Variants in SNTG1 observed in about 807,000 individuals in gnomAD.
The protein encoded by SNTG1 is syntrophin gamma 1.
A neutral mutation model predicts 74.7 loss-of-function variants in SNTG1; 39 were observed. That is an observed-to-expected ratio of 0.52 (90% CI 0.40 to 0.68). SNTG1 has a LOEUF of 0.68. Ranked by LOEUF, SNTG1 falls within the 30% of genes least tolerant of loss-of-function variation. SNTG1 has a pLI of 0.00. For synonymous variants in SNTG1, 254 were observed against 217.1 expected, an observed-to-expected ratio of 1.17 and a Z score of -1.49; for missense variants, 685 against 609.5, an observed-to-expected ratio of 1.12 and a Z score of -1.30.
chr8:50,023,689 A>G (rs1232883611), intron 1 of SNTG1, among the ~76,000 whole-genome samples: 3 of 152,164 alleles, frequency 2.0e-5, no homozygotes, highest in Non-Finnish European at 1.5e-5. Flanking sequence ...AACAACCACC[A>G]CATCTTTCAA....
At chr8:50,703,978 G>A (rs10099033) in intron 15 of SNTG1, among the ~76,000 whole-genome samples, 50,970 of 151,884 alleles carry the variant, frequency 0.34, 11,102 homozygotes, top group African/African-American at 0.62. Context: ...TCATGTTAAT[G>A]TCTCTTAAAT....
intron 2 of SNTG1, among the ~76,000 whole-genome samples, chr8:50,372,270 T>G (rs1179898330): frequency 6.6e-6 from 1 of 151,932 alleles, no homozygotes; most frequent in Admixed American, 6.6e-5. Context: ...TTTTATTTTA[T>G]GCATCTTCTA....
intron 8 of SNTG1, among the ~76,000 whole-genome samples, chr8:50,486,117 G>A: frequency 1.3e-5 from 2 of 152,210 alleles, no homozygotes; most frequent in Non-Finnish European, 2.9e-5. Flanking sequence ...GCTTAGGATT[G>A]ACTTGGCGAT....
At chr8:50,552,760 T>C (rs976623638) in intron 11 of SNTG1, among the ~76,000 whole-genome samples, 1 of 152,212 alleles carries the variant, frequency 6.6e-6, no homozygotes, top group Non-Finnish European at 1.5e-5. Context: ...GCATCTAAAA[T>C]TTCTTAGATT....
chr8:49,945,850 C>A (rs1809135367), intron 1 of SNTG1, among the ~76,000 whole-genome samples: 1 of 152,156 alleles, frequency 6.6e-6, no homozygotes. Flanking sequence ...ACAGTGGGAC[C>A]AAGAACAAGG....
intron 1 of SNTG1, among the ~76,000 whole-genome samples, chr8:49,975,000 C>T (rs1290472748): frequency 6.6e-6 from 1 of 151,924 alleles, no homozygotes; most frequent in African/African-American, 2.4e-5. Flanking sequence ...AGGCAGGGTC[C>T]ATGGACACGT....
At chr8:50,518,517 G>A (rs935943616) in intron 9 of SNTG1, among the ~76,000 whole-genome samples, 3 of 151,878 alleles carry the variant, frequency 2.0e-5, no homozygotes, top group African/African-American at 7.3e-5. Context: ...TGAATCCAGG[G>A]GCTGTTTCTT....
chr8:50,427,170 T>A (rs1424277036), intron 4 of SNTG1, among the ~76,000 whole-genome samples: 2 of 152,124 alleles, frequency 1.3e-5, no homozygotes, highest in African/African-American at 4.8e-5. Flanking sequence ...AAAGCAAAAA[T>A]CAATGTTATT....
chr8:50,450,451 C>T, intron 6 of SNTG1, 105 bp from the exon 7 acceptor site: 1 of 1,214,036 alleles, frequency 8.2e-7, no homozygotes, highest in Non-Finnish European at 1.2e-6. Context: ...ATATAAGACA[C>T]TTAATTTTTA....
intron 2 of SNTG1, among the ~76,000 whole-genome samples, chr8:50,281,206 A>G (rs2088431622): frequency 6.6e-6 from 1 of 152,020 alleles, no homozygotes; most frequent in South Asian, 2.1e-4. Flanking sequence ...TGCAACAAAG[A>G]GTCTGTTTTG....
At chr8:50,017,686 G>C (rs545907617) in intron 1 of SNTG1, among the ~76,000 whole-genome samples, 4 of 151,860 alleles carry the variant, frequency 2.6e-5, no homozygotes, top group Non-Finnish European at 5.9e-5. Context: ...ACGTTATAAT[G>C]ATGAGTCAAA....
At chr8:50,014,616 C>G (rs149532108) in intron 1 of SNTG1, among the ~76,000 whole-genome samples, 2 of 152,130 alleles carry the variant, frequency 1.3e-5, no homozygotes, top group African/African-American at 4.8e-5. Flanking sequence ...TCTTGTAATA[C>G]GCTGCCTGAA....
intron 13 of SNTG1, among the ~76,000 whole-genome samples, chr8:50,650,472 G>A (rs1337643594): frequency 6.6e-6 from 1 of 151,982 alleles, no homozygotes; most frequent in East Asian, 1.9e-4. Flanking sequence ...AGTTGGGACT[G>A]ATCACCCTTT....
chr8:50,589,686 A>G (rs1227440190), intron 12 of SNTG1, among the ~76,000 whole-genome samples: 2 of 152,110 alleles, frequency 1.3e-5, no homozygotes, highest in African/African-American at 4.8e-5. Context: ...AGAATTCTTT[A>G]TAACAATTCA....
chr8:50,608,574 A>G lies in SNTG1; in HGVS notation c.849+17657A>G, dbSNP rs749367919. Among the ~76,000 whole-genome samples the G allele has an allele frequency of 4.6e-5, 7 of 151,650 alleles. No homozygotes were observed. In the South Asian group the frequency reaches 1.5e-3, roughly 31 times the overall value. ...ATTATTTTCTAATCTTTTAGCTTCAATCTGTTTTCCAATGGTAAATCAAAT... is the reference window on the plus strand; with the variant it reads ...ATTATTTTCTAATCTTTTAGCTTCAGTCTGTTTTCCAATGGTAAATCAAAT... On this transcript the variant is annotated intron_variant, in intron 13 of 18. Transcript: ENST00000642720.
At chr8:50,004,628 C>T (rs1178103238) in intron 1 of SNTG1, among the ~76,000 whole-genome samples, 3 of 152,172 alleles carry the variant, frequency 2.0e-5, no homozygotes, top group Non-Finnish European at 4.4e-5. Flanking sequence ...AGTAGCACTC[C>T]ACCCACTGAC....
At chr8:50,237,534 G>C (rs561985553) in intron 2 of SNTG1, among the ~76,000 whole-genome samples, 78 of 152,146 alleles carry the variant, frequency 5.1e-4, no homozygotes, top group African/African-American at 1.2e-3. Flanking sequence ...CATGTAACTT[G>C]AAAAACAGAC....
In SNTG1 at chr8:49,996,581, A is replaced by G. The variant is rs2130385271; in HGVS notation, c.-103+84350A>G. Among the ~76,000 whole-genome samples, 3 of 152,308 alleles carry G rather than the reference A, an allele frequency of 2.0e-5. No homozygotes were observed. In the South Asian group the frequency reaches 6.2e-4, roughly 32 times the overall value. On this transcript the variant is annotated intron_variant, in intron 1 of 18. Transcript: ENST00000642720. The stretch of plus-strand genomic sequence containing the variant: ...AATATACTTTCTAATAGGACTTCTT[A>G]AAATACTACACATTAAAATAAATTT...
In SNTG1 at chr8:50,370,909, G is replaced by A. The variant is rs117637172; in HGVS notation, c.-27-23303G>A. Among the ~76,000 whole-genome samples the A allele has an allele frequency of 3.1e-3, 474 of 152,236 alleles. 4 individuals are homozygous for A. The highest frequency in any genetic ancestry group is 5.8e-3 in the Non-Finnish European group (396 of 68,012). On this transcript the variant is annotated intron_variant, in intron 2 of 18. Transcript: ENST00000642720. ...AGGAAAATAAAAGTTGGATCAGGCC[G>A]AATTTATTGCTATGATCTCCCTAAG... is the stretch of plus-strand genomic sequence containing the variant.
Sources: allele counts gnomAD v4.1 joint callset (sites outside exome capture counted in the v4.1 genomes callset), GRCh38; gene constraint gnomAD v4.1.1; transcripts MANE v1.5; gene names NCBI Gene and HGNC (gene_info 2026-07-23, HGNC 2026-07-21).